KCNH1: variants seen among roughly 807,000 people sequenced by gnomAD.
KCNH1 encodes the protein potassium voltage-gated channel subfamily H member 1.
Under a neutral mutation model 69.2 loss-of-function variants are expected in KCNH1, and 27 were observed. The observed-to-expected ratio is 0.39, with a 90% CI of 0.29 to 0.54. The LOEUF is 0.54. Among genes scored for constraint, KCNH1 ranks in the 20% least tolerant of loss-of-function variants. The pLI is 0.68. For synonymous variants in KCNH1, 456 were observed against 487.7 expected, an observed-to-expected ratio of 0.93 and a Z score of 0.86; for missense variants, 798 against 1,261.6, an observed-to-expected ratio of 0.63 and a Z score of 5.57.
chr1:211,072,006 T>A (rs61132669), intron 5 of KCNH1, among the ~76,000 whole-genome samples: 7 of 152,080 alleles, frequency 4.6e-5, no homozygotes, highest in African/African-American at 1.7e-4. Context: ...CCAGGCAGAG[T>A]GGCTCACACC....
At chr1:211,096,197 G>T (rs957271745) in intron 3 of KCNH1, among the ~76,000 whole-genome samples, 1 of 152,018 alleles carries the variant, frequency 6.6e-6, no homozygotes, top group Admixed American at 6.6e-5. Context: ...CTGAGTAGCT[G>T]GGATTATAGG....
At chr1:210,849,012 A>G (rs1388239632) in intron 7 of KCNH1, among the ~76,000 whole-genome samples, 1 of 152,214 alleles carries the variant, frequency 6.6e-6, no homozygotes, top group African/African-American at 2.4e-5. Context: ...AGAAAAAAAG[A>G]TTAAGTAGTA....
intron 3 of KCNH1, among the ~76,000 whole-genome samples, chr1:211,099,777 T>G (rs1226009693): frequency 2.0e-5 from 3 of 152,214 alleles, no homozygotes; most frequent in Admixed American, 2.0e-4. Context: ...AGTTCCTGAC[T>G]GGAACGCAGG....
chr1:211,086,190 A>AT (rs71134654), intron 4 of KCNH1, among the ~76,000 whole-genome samples: 17 of 151,816 alleles, frequency 1.1e-4, no homozygotes, highest in African/African-American at 3.4e-4. Context: ...AAGAACAAAT[A>AT]TTTTTTTTTC....
chr1:210,947,829 G>A (rs1442774153), intron 6 of KCNH1, among the ~76,000 whole-genome samples: 1 of 152,166 alleles, frequency 6.6e-6, no homozygotes, highest in Non-Finnish European at 1.5e-5. Flanking sequence ...TTATCTGTGT[G>A]ATCTTGAGCA....
intron 6 of KCNH1, among the ~76,000 whole-genome samples, chr1:211,004,758 T>C (rs1287629658): frequency 6.6e-6 from 1 of 152,026 alleles, no homozygotes; most frequent in Admixed American, 6.6e-5. Flanking sequence ...ATATCTAAAA[T>C]ACAAGAATAT....
chr1:210,806,479 T>C (rs1684552213), intron 7 of KCNH1, among the ~76,000 whole-genome samples: 1 of 152,098 alleles, frequency 6.6e-6, no homozygotes, highest in African/African-American at 2.4e-5. Context: ...TTGAAAATAC[T>C]TTCTCATATC....
chr1:210,884,965 AG>A (rs1686571815), intron 7 of KCNH1, among the ~76,000 whole-genome samples: 1 of 152,234 alleles, frequency 6.6e-6, no homozygotes, highest in African/African-American at 2.4e-5. Flanking sequence ...ACAGAGCCTT[AG>A]GCAGTTACTC....
chr1:210,927,778 A>C (rs1687601162), intron 6 of KCNH1, among the ~76,000 whole-genome samples: 1 of 152,228 alleles, frequency 6.6e-6, no homozygotes, highest in African/African-American at 2.4e-5. Context: ...AGAATGGATA[A>C]GAATTCACCA....
At chr1:210,984,384 C>T (rs1688785024) in intron 6 of KCNH1, among the ~76,000 whole-genome samples, 1 of 152,132 alleles carries the variant, frequency 6.6e-6, no homozygotes, top group Admixed American at 6.5e-5. Context: ...AGTTTTTGTC[C>T]ATTCAGTATG....
chr1:211,029,057 A>C (rs7544076), intron 5 of KCNH1, among the ~76,000 whole-genome samples: 113 of 150,824 alleles, frequency 7.5e-4, no homozygotes, highest in African/African-American at 2.7e-3. Flanking sequence ...GAGGCCAGGC[A>C]TGGTGGCTCA....
In KCNH1 at chr1:211,058,336, G is replaced by A. The variant is rs147162712; in HGVS notation, c.558+24444C>T. ...ACAGCATATTATAACTGTAATTGTG[G>A]TGTATAAACTAATATCTTGAGTAGA... On this transcript the variant is annotated intron_variant, in intron 5 of 10. Coordinates refer to ENST00000271751, the MANE Select transcript of KCNH1 (RefSeq NM_172362.3). 3.4e-3 allele frequency among the ~76,000 whole-genome samples: 522 copies of A among 152,220 alleles called. 3 individuals carry two copies. The highest frequency in any genetic ancestry group is 6.8e-3 in the Middle Eastern group (2 of 294).
intron 6 of KCNH1, among the ~76,000 whole-genome samples, chr1:210,995,270 C>A (rs1017777590): frequency 6.6e-6 from 1 of 152,042 alleles, no homozygotes; most frequent in Non-Finnish European, 1.5e-5. Flanking sequence ...CTTTTTTCCC[C>A]TTGGAACATA....
In KCNH1 at chr1:211,090,567, C is replaced by G. The variant is rs763787965; in HGVS notation, c.434G>C (p.Cys145Ser). 6.2e-7 allele frequency: 1 copy of G among 1,601,720 alleles called. No homozygotes were observed. Reference protein sequence around the residue: ...AFKQPIEDDSCKGWGKFARLT... With the variant: ...AFKQPIEDDSSKGWGKFARLT... ...TACAAGTCAGAATTACAAACCTTTA[C>G]ATGAATCATCCTCAATTGGCTGTTT... Residue 145 changes from cysteine to serine, a missense_variant, in exon 4 of 11, where the codon TGT (cysteine) becomes TCT (serine). Transcript: ENST00000271751.
intron 7 of KCNH1, among the ~76,000 whole-genome samples, chr1:210,917,703 C>A (rs959758646): frequency 6.6e-6 from 1 of 152,132 alleles, no homozygotes; most frequent in African/African-American, 2.4e-5. Flanking sequence ...CTCATCTCCC[C>A]CTCCCTCTAA....
At chr1:210,975,020 A>G (rs1294859645) in intron 6 of KCNH1, among the ~76,000 whole-genome samples, 1 of 152,138 alleles carries the variant, frequency 6.6e-6, no homozygotes, top group Non-Finnish European at 1.5e-5. Context: ...ATTTAAAAGT[A>G]TTTTTTATTA....
At chr1:210,775,261 C>T in intron 10 of KCNH1, 87 bp downstream of exon 10, 3 of 1,147,166 alleles carry the variant, frequency 2.6e-6, no homozygotes, top group East Asian at 2.5e-5. Flanking sequence ...CTTAAATAAA[C>T]AGCAAAGGGA....
At chr1:210,689,028 C>A (rs913116688) in intron 10 of KCNH1, among the ~76,000 whole-genome samples, 1 of 152,196 alleles carries the variant, frequency 6.6e-6, no homozygotes, top group South Asian at 2.1e-4. Flanking sequence ...AAGCTCATGA[C>A]TTATTGCAAC....
intron 5 of KCNH1, among the ~76,000 whole-genome samples, chr1:211,051,441 G>C (rs772616904): frequency 2.0e-5 from 3 of 151,846 alleles, no homozygotes; most frequent in Non-Finnish European, 2.9e-5. Flanking sequence ...TACCTGGAGT[G>C]GGGTAGGAGC....
Sources: gnomAD v4.1 joint callset for allele counts (sites outside exome capture counted in the v4.1 genomes callset) on GRCh38, gnomAD v4.1.1 for gene constraint, MANE v1.5 for transcripts, NCBI Gene and HGNC (gene_info 2026-07-23, HGNC 2026-07-21) for gene names.